Variants in CCDC178 observed in about 807,000 individuals in gnomAD.
The protein encoded by CCDC178 is coiled-coil domain containing 178.
CCDC178 carries 126 observed loss-of-function variants against 117.4 expected under a neutral mutation model. The observed-to-expected ratio is 1.07, with a 90% CI of 0.93 to 1.24. CCDC178 has a LOEUF of 1.24. Among genes scored for constraint, CCDC178 ranks in the 50% most tolerant of loss-of-function variants. The pLI, the probability that CCDC178 is intolerant of heterozygous loss-of-function variation, is 0.00. For synonymous variants in CCDC178, 283 were observed against 313.4 expected (o/e 0.90, Z 1.02); for missense variants, 1,030 against 986.9 (o/e 1.04, Z -0.59).
At chr18:33,407,782 T>C (rs2063800437) in intron 3 of CCDC178, among the ~76,000 whole-genome samples, 1 of 151,932 alleles carries the variant, frequency 6.6e-6, no homozygotes. Context: ...GGCCAATAAA[T>C]ATTTTGTATC....
At chr18:33,281,904 A>G (rs1231499114) in intron 12 of CCDC178, among the ~76,000 whole-genome samples, 1 of 152,232 alleles carries the variant, frequency 6.6e-6, no homozygotes, top group African/African-American at 2.4e-5. Context: ...AGCACACTTA[A>G]TATCCAATGA....
chr18:33,404,013 C>G (rs773754098), intron 3 of CCDC178, among the ~76,000 whole-genome samples: 9 of 152,138 alleles, frequency 5.9e-5, no homozygotes, highest in Middle Eastern at 3.4e-3. Context: ...TGGTTTACCA[C>G]TACCCCTCAA....
chr18:33,223,287 G>T (rs138487689), intron 17 of CCDC178, 68 bp from the exon 18 acceptor site: 22 of 1,427,904 alleles, frequency 1.5e-5, no homozygotes, highest in Non-Finnish European at 2.0e-5. Context: ...AGGCCAAATC[G>T]TACTTAAGTG....
intron 11 of CCDC178, among the ~76,000 whole-genome samples, chr18:33,302,885 A>G (rs1312566108): frequency 1.3e-5 from 2 of 152,202 alleles, no homozygotes; most frequent in Non-Finnish European, 2.9e-5. Context: ...GGGGATAGAC[A>G]GAGATTTTTC....
At chr18:33,347,228 C>T (rs187887147) in intron 8 of CCDC178, among the ~76,000 whole-genome samples, 117 of 151,864 alleles carry the variant, frequency 7.7e-4, no homozygotes, top group Admixed American at 3.5e-3. Context: ...AATAAGGCCC[C>T]GAAAGAACTG....
intron 20 of CCDC178, among the ~76,000 whole-genome samples, chr18:33,096,389 T>C (rs1305742325): frequency 6.9e-6 from 1 of 144,964 alleles, no homozygotes; most frequent in Non-Finnish European, 1.5e-5. Context: ...TATAAAAATA[T>C]AAAAATATAA....
chr18:33,090,938 T>C (rs993688301), intron 21 of CCDC178, among the ~76,000 whole-genome samples: 5 of 152,186 alleles, frequency 3.3e-5, no homozygotes, highest in African/African-American at 1.2e-4. Context: ...GCTCTTACTA[T>C]GAAAATGTGA....
chr18:33,147,227 G>A (rs946287768), intron 20 of CCDC178, among the ~76,000 whole-genome samples: 3 of 150,716 alleles, frequency 2.0e-5, no homozygotes, highest in Admixed American at 6.6e-5. Flanking sequence ...GTACCAGGAG[G>A]TTAGGGCCCA....
chr18:32,938,783 G>A (rs528052642), intron 22 of CCDC178, among the ~76,000 whole-genome samples: 43 of 152,062 alleles, frequency 2.8e-4, no homozygotes, highest in Non-Finnish European at 4.9e-4. Flanking sequence ...GTTAGTTCTT[G>A]ATGACCTTTG....
intron 12 of CCDC178, among the ~76,000 whole-genome samples, chr18:33,283,593 T>A (rs1037148688): frequency 1.3e-5 from 2 of 151,950 alleles, no homozygotes; most frequent in African/African-American, 4.8e-5. Context: ...CATTAAAAAG[T>A]GGGCAAAGGA....
At chr18:33,216,417 T>G (rs1599012004) in intron 18 of CCDC178, among the ~76,000 whole-genome samples, 1 of 152,194 alleles carries the variant, frequency 6.6e-6, no homozygotes, top group East Asian at 1.9e-4. Flanking sequence ...GTGCATCTAT[T>G]TTTGTGTCAT....
chr18:33,203,876 C>G (rs1487875886), intron 20 of CCDC178, among the ~76,000 whole-genome samples: 1 of 152,204 alleles, frequency 6.6e-6, no homozygotes, highest in African/African-American at 2.4e-5. Flanking sequence ...GTTCTTCTCT[C>G]AAATGTCTAT....
In CCDC178 at chr18:33,187,086, G is replaced by GGAGA. The variant is rs58400297; in HGVS notation, c.2238+24806_2238+24809dup. Among the ~76,000 whole-genome samples the GGAGA allele has an allele frequency of 3.9e-3, 547 of 140,102 alleles. 2 individuals carry two copies. The highest frequency in any genetic ancestry group is 0.011 in the Middle Eastern group (3 of 284). 91.9% of individuals were successfully genotyped at this position (140,102 alleles called of 152,430 possible). ...ACAAGGCACATCTTACATGGCGGCAGGAGAGAGAGAGAGAGAGAGAGAGAG... is the reference window on the plus strand; with the variant it reads ...ACAAGGCACATCTTACATGGCGGCAGGAGAGAGAGAGAGAGAGAGAGAGAGAGAG... On this transcript the variant is annotated intron_variant, in intron 20 of 22. Coordinates refer to ENST00000383096, the MANE Select transcript of CCDC178 (RefSeq NM_001105528.4).
intron 20 of CCDC178, among the ~76,000 whole-genome samples, chr18:33,162,145 A>T (rs1387652709): frequency 6.6e-6 from 1 of 152,126 alleles, no homozygotes; most frequent in Non-Finnish European, 1.5e-5. Flanking sequence ...GAACACATGG[A>T]CACAGGAAAG....
At chr18:33,379,657 C>T (rs1368769780) in intron 5 of CCDC178, among the ~76,000 whole-genome samples, 1 of 152,078 alleles carries the variant, frequency 6.6e-6, no homozygotes, top group African/African-American at 2.4e-5. Flanking sequence ...AAGTTCTCCG[C>T]AAGGTGATGG....
At chr18:33,196,032 TG>T (rs1263840167) in intron 20 of CCDC178, among the ~76,000 whole-genome samples, 2 of 152,296 alleles carry the variant, frequency 1.3e-5, no homozygotes, top group East Asian at 3.9e-4. Context: ...TTTACTTGTC[TG>T]GGGGCTTTGC....
intron 11 of CCDC178, among the ~76,000 whole-genome samples, chr18:33,304,972 G>C (rs1023495514): frequency 6.6e-6 from 1 of 152,132 alleles, no homozygotes; most frequent in Non-Finnish European, 1.5e-5. Flanking sequence ...TCCCTCACTA[G>C]TGGAAAAGTT....
intron 12 of CCDC178, among the ~76,000 whole-genome samples, chr18:33,290,954 A>G (rs935076082): frequency 4.6e-5 from 7 of 152,158 alleles, no homozygotes; most frequent in Non-Finnish European, 1.0e-4. Flanking sequence ...ATTTCTTATT[A>G]ATTATGCATC....
chr18:33,085,897 GATT>G (rs1404987718), intron 21 of CCDC178, among the ~76,000 whole-genome samples: 1 of 151,930 alleles, frequency 6.6e-6, no homozygotes, highest in Admixed American at 6.6e-5. Flanking sequence ...TTTAATAAAT[GATT>G]ATAAGATGTA....
Sources: gnomAD v4.1 joint callset for allele counts (sites outside exome capture counted in the v4.1 genomes callset) on GRCh38, gnomAD v4.1.1 for gene constraint, MANE v1.5 for transcripts, NCBI Gene and HGNC (gene_info 2026-07-23, HGNC 2026-07-21) for gene names.